The following DYRK1A variants were observed in gnomAD, a reference collection of about 807,000 sequenced individuals.
DYRK1A encodes the protein dual specificity tyrosine-phosphorylation-regulated kinase 1A.
In DYRK1A, 9 loss-of-function variants were observed where a neutral mutation model predicts 79.7. The observed-to-expected ratio is 0.11, with a 90% CI of 0.07 to 0.20. The LOEUF is 0.20. DYRK1A is among the 10% of genes least tolerant of loss of function. The probability of loss-of-function intolerance (pLI) is 1.00; values close to 1 mark genes in which losing one functional copy is unlikely to be tolerated. For missense variants in DYRK1A, 622 were observed against 956.0 expected, an observed-to-expected ratio of 0.65 and a Z score of 4.61; for synonymous variants, 349 against 329.7, an observed-to-expected ratio of 1.06 and a Z score of -0.63.
intron 9 of DYRK1A, among the ~76,000 whole-genome samples, chr21:37,501,165 G>GGTTTTTTTTTTTT (rs2053433604): frequency 5.3e-5 from 6 of 112,982 alleles, no homozygotes; most frequent in African/African-American, 2.3e-4. Context: ...TGTTGTTGTT[G>GGTTTTTTTTTTTT]GTTTTTTTTT....
In DYRK1A at chr21:37,511,892, T is replaced by TA; in HGVS notation, c.1645-14dup. 6.2e-7 allele frequency: 1 copy of TA among 1,602,280 alleles called. No homozygotes were observed. Among genetic ancestry groups the TA allele is most frequent in the East Asian group, 2.2e-5 (1 of 44,650 alleles). On this transcript the variant is annotated intron_variant, in intron 11 of 11. Transcript: ENST00000647188. ...GAAACAGTCCTCTGAAAAATCCTTT[T>TA]AAAAATCTGTTCTTTCAGGTGCGTC...
At chr21:37,453,793 A>G (rs2051538986) in intron 2 of DYRK1A, among the ~76,000 whole-genome samples, 1 of 152,226 alleles carries the variant, frequency 6.6e-6, no homozygotes, top group Non-Finnish European at 1.5e-5. Context: ...TGACTTAACA[A>G]AAGAAAGGAA....
intron 1 of DYRK1A, among the ~76,000 whole-genome samples, chr21:37,388,036 C>G (rs2049794842): frequency 6.6e-6 from 1 of 151,188 alleles, no homozygotes; most frequent in South Asian, 2.1e-4. Context: ...GTTTTTATCT[C>G]TCCCTCTTCC....
intron 2 of DYRK1A, chr21:37,428,982 A>AT (rs1444351846): frequency 6.6e-6 from 1 of 152,212 alleles, no homozygotes; most frequent in Non-Finnish European, 1.5e-5. Flanking sequence ...CTGGTGGTGA[A>AT]TACCAGGCTA....
chr21:37,453,257 GT>G (rs1194949714), intron 2 of DYRK1A, among the ~76,000 whole-genome samples: 1 of 152,096 alleles, frequency 6.6e-6, no homozygotes, highest in African/African-American at 2.4e-5. Flanking sequence ...CCTTAATCTT[GT>G]TTTTTCCATT....
chr21:37,511,996 A>C lies in DYRK1A; in HGVS notation c.1730A>C (p.Glu577Ala). Residue 577 changes from glutamate to alanine, a missense_variant, in exon 12 of 12, where the codon GAA becomes GCA. By Grantham distance (107) the Glu-to-Ala change is moderately radical (BLOSUM62 -1). Coordinates refer to ENST00000647188, the MANE Select transcript of DYRK1A (RefSeq NM_001347721.2). ...ACTGTTGAAACTCATCCTGTTCAAG[A>C]AACAACCTTTCATGTAGCCCCTCAA... ...QVTVETHPVQETTFHVAPQQN... is the reference protein window; with the variant it reads ...QVTVETHPVQATTFHVAPQQN... The C allele has an allele frequency of 1.2e-6, 2 of 1,614,188 alleles. No homozygotes were observed. Among genetic ancestry groups the C allele is most frequent in the Non-Finnish European group, 1.7e-6 (2 of 1,180,030 alleles).
chr21:37,467,112 A>G (rs528626542), intron 2 of DYRK1A, among the ~76,000 whole-genome samples: 3 of 150,880 alleles, frequency 2.0e-5, no homozygotes, highest in East Asian at 1.9e-4. Flanking sequence ...AAAAGAAAAA[A>G]AAAAAAAAAC....
Position 37,517,128 on chromosome 21 carries a change from A to G in DYRK1A, c.*4597A>G, listed in dbSNP as rs1158332057. 6.6e-6 allele frequency: 1 copy of G among 152,238 alleles called. No homozygotes were observed. The highest frequency in any genetic ancestry group is 1.5e-5 in the Non-Finnish European group (1 of 68,052). 9.4% of individuals were successfully genotyped at this position (152,238 alleles called of 1,614,324 possible). On this transcript the variant is annotated 3_prime_UTR_variant, in exon 12 of 12. Coordinates refer to ENST00000647188, the MANE Select transcript of DYRK1A (RefSeq NM_001347721.2). ...AAACCGGCTTCCCTTCGCTTTTACC[A>G]GGTAGCCTGGTTCAGTCCCAGCTGG... is the stretch of plus-strand genomic sequence containing the variant.
Position 37,518,594 on chromosome 21 carries a change from A to AAT in DYRK1A, c.*6063_*6064insAT, listed in dbSNP as rs2053904221. The AAT allele has an allele frequency of 6.7e-6, 1 of 148,678 alleles. No homozygotes were observed. The highest frequency in any genetic ancestry group is 1.5e-5 in the Non-Finnish European group (1 of 67,490). 9.2% of individuals were successfully genotyped at this position (148,678 alleles called of 1,614,324 possible). ...CAAGAAGAGGCGTGTGGCTAATATG[A>AAT]CGGAAGTCTGAATCCAAGGACTTTT... On this transcript the variant is annotated 3_prime_UTR_variant, in exon 12 of 12. Coordinates refer to ENST00000647188, the MANE Select transcript of DYRK1A (RefSeq NM_001347721.2).
In DYRK1A at chr21:37,512,324, T is replaced by G; in HGVS notation, c.2058T>G (p.Asn686Lys). ...CTAATACCTTGGACTTTGGACAGAA[T>G]GGAGCTATGGACGTTAATTTGACCG... ...VAANTLDFGQ[N>K]GAMDVNLTVY... The change falls in exon 12 of 12, where the codon AAT (asparagine) becomes AAG (lysine). Residue 686 changes from asparagine to lysine, a missense_variant. Asn to Lys is a moderately conservative substitution (Grantham distance 94). Transcript: ENST00000647188. 1 of 1,614,234 alleles carries G rather than the reference T, an allele frequency of 6.2e-7. No individual in the cohort carries two copies. Among genetic ancestry groups the G allele is most frequent in the Non-Finnish European group, 8.5e-7 (1 of 1,180,042 alleles).
At chr21:37,372,595 G>A (rs2049455127) in intron 1 of DYRK1A, among the ~76,000 whole-genome samples, 1 of 152,138 alleles carries the variant, frequency 6.6e-6, no homozygotes, top group Admixed American at 6.5e-5. Context: ...GCTGATCTGA[G>A]TCTCAACAGG....
chr21:37,374,996 A>T (rs2049508702), intron 1 of DYRK1A: 1 of 152,242 alleles, frequency 6.6e-6, no homozygotes, highest in East Asian at 1.9e-4. Context: ...CAGAATAAGC[A>T]GGCCTGGGAC....
chr21:37,401,192 T>C (rs1050976996), intron 1 of DYRK1A, among the ~76,000 whole-genome samples: 1 of 152,138 alleles, frequency 6.6e-6, no homozygotes, highest in African/African-American at 2.4e-5. Context: ...ATTTTTCTTA[T>C]TGTGCTATAT....
At chr21:37,380,719 C>T (rs1250068475) in intron 1 of DYRK1A, among the ~76,000 whole-genome samples, 1 of 151,426 alleles carries the variant, frequency 6.6e-6, no homozygotes, top group Non-Finnish European at 1.5e-5. Flanking sequence ...CAAGAATTGT[C>T]TCTCCTAAAA....
chr21:37,424,036 C>G (rs1024087879), intron 2 of DYRK1A, among the ~76,000 whole-genome samples: 2 of 152,054 alleles, frequency 1.3e-5, no homozygotes, highest in Non-Finnish European at 2.9e-5. Context: ...GAAATCAGAT[C>G]TGTAAATTAC....
intron 7 of DYRK1A, 102 bp downstream of exon 7, chr21:37,490,563 C>T: frequency 1.3e-6 from 1 of 799,284 alleles, no homozygotes; most frequent in Non-Finnish European, 1.6e-6. Context: ...CGGTTTTCGC[C>T]ATTGCAGTTG....
chr21:37,496,999 G>A (rs2053289231), intron 9 of DYRK1A, among the ~76,000 whole-genome samples: 1 of 152,058 alleles, frequency 6.6e-6, no homozygotes, highest in Admixed American at 6.6e-5. Flanking sequence ...TTTGGTCCTA[G>A]TATTGAATGA....
chr21:37,434,728 A>G (rs991172651), intron 2 of DYRK1A, among the ~76,000 whole-genome samples: 2 of 152,172 alleles, frequency 1.3e-5, no homozygotes, highest in African/African-American at 2.4e-5. Context: ...GCTATATATT[A>G]AAGTTTGTCG....
intron 1 of DYRK1A, among the ~76,000 whole-genome samples, chr21:37,370,173 G>A (rs1449948265): frequency 1.3e-5 from 2 of 152,124 alleles, no homozygotes; most frequent in Non-Finnish European, 2.9e-5. Context: ...ATCTGCAAAA[G>A]GAAAATTCAA....
Sources: gnomAD v4.1 joint callset for allele counts (sites outside exome capture counted in the v4.1 genomes callset) on GRCh38, gnomAD v4.1.1 for gene constraint, MANE v1.5 for transcripts, NCBI Gene and HGNC (gene_info 2026-07-23, HGNC 2026-07-21) for gene names.